The following FBN2 variants were observed in gnomAD, a reference collection of about 807,000 sequenced individuals.
The protein encoded by FBN2 is fibrillin 2.
In FBN2, 105 loss-of-function variants were observed where a neutral mutation model predicts 355.6. The observed-to-expected ratio is 0.30, with a 90% CI of 0.25 to 0.35. The LOEUF is 0.35. Among genes scored for constraint, FBN2 ranks in the 10% least tolerant of loss-of-function variants. The pLI is 1.00. For missense variants in FBN2, 3,280 were observed against 3,758.7 expected, an observed-to-expected ratio of 0.87 and a Z score of 3.33; for synonymous variants, 1,350 against 1,301.2, an observed-to-expected ratio of 1.04 and a Z score of -0.81.
intron 4 of FBN2, among the ~76,000 whole-genome samples, chr5:128,526,430 C>G (rs956946149): frequency 1.4e-4 from 22 of 151,958 alleles, no homozygotes; most frequent in African/African-American, 5.3e-4. Context: ...AGCAAGGGCC[C>G]AAACAGCTAT....
At chr5:128,334,651 A>C in intron 31 of FBN2, 68 bp downstream of exon 31, 1 of 1,552,616 alleles carries the variant, frequency 6.4e-7, no homozygotes, top group Non-Finnish European at 8.9e-7. Context: ...CAGAGAACAA[A>C]TGATGTTGAA....
At chr5:128,357,421 G>A (rs1258709331) in intron 19 of FBN2, 26 bp from the exon 20 acceptor site, 3 of 1,613,422 alleles carry the variant, frequency 1.9e-6, no homozygotes, top group Admixed American at 1.7e-5. Flanking sequence ...AAAAGATTCT[G>A]TTAGAACTGC....
chr5:128,268,300 T>A (rs969925250), intron 62 of FBN2, among the ~76,000 whole-genome samples: 6 of 152,108 alleles, frequency 3.9e-5, no homozygotes, highest in Admixed American at 3.9e-4. Context: ...CCTGGACACA[T>A]ACACCCTACC....
At chr5:128,459,869 C>T (rs779009173) in intron 6 of FBN2, among the ~76,000 whole-genome samples, 23 of 152,216 alleles carry the variant, frequency 1.5e-4, no homozygotes, top group Admixed American at 1.4e-3. Flanking sequence ...AGTGAATGGG[C>T]AAAAGCTGGA....
chr5:128,535,989 G>C (rs1756835432), intron 2 of FBN2, among the ~76,000 whole-genome samples: 1 of 152,070 alleles, frequency 6.6e-6, no homozygotes, highest in African/African-American at 2.4e-5. Flanking sequence ...AAGAAATCTT[G>C]ATCTTCATAA....
intron 8 of FBN2, among the ~76,000 whole-genome samples, chr5:128,404,867 C>T (rs1005207861): frequency 2.6e-5 from 4 of 152,094 alleles, no homozygotes; most frequent in South Asian, 2.1e-4. Context: ...TTAGGTGAAA[C>T]GGCTACAAAG....
intron 5 of FBN2, among the ~76,000 whole-genome samples, chr5:128,519,004 G>A (rs2112787160): frequency 6.6e-6 from 1 of 152,172 alleles, no homozygotes; most frequent in South Asian, 2.1e-4. Context: ...CACATTATTA[G>A]AATTTGCCAT....
At position 128,377,837 on chromosome 5, in the gene FBN2, G is replaced by T; in HGVS notation, c.1764C>A (p.Asn588Lys). Reference protein sequence around the residue: ...ECIQNGVLCKNGRCVNTDGSF... With the variant: ...ECIQNGVLCKKGRCVNTDGSF... Reference sequence around the variant, plus strand: ...TTCCATCTGTGTTCACGCATCGACCGTTTTTACAAAGAACCCCATTCTGGA... The same window carrying T: ...TTCCATCTGTGTTCACGCATCGACCTTTTTTACAAAGAACCCCATTCTGGA... Residue 588 changes from asparagine to lysine, a missense_variant, in exon 13 of 65, where the codon AAC becomes AAA. Asn to Lys is a moderately conservative substitution (Grantham distance 94, BLOSUM62 0). Transcript: ENST00000262464. 1 of 1,613,296 alleles carries T rather than the reference G, an allele frequency of 6.2e-7. No homozygotes were observed. The highest frequency in any genetic ancestry group is 8.5e-7 in the Non-Finnish European group (1 of 1,179,408).
intron 48 of FBN2, among the ~76,000 whole-genome samples, chr5:128,299,473 G>A (rs1467630655): frequency 6.7e-6 from 1 of 148,556 alleles, no homozygotes; most frequent in Non-Finnish European, 1.5e-5. Flanking sequence ...CAATCAGTGA[G>A]ACTCCATGGG....
chr5:128,335,061 A>G lies in FBN2; in HGVS notation c.3973+109T>C, dbSNP rs974982802. 4.0e-6 allele frequency: 6 copies of G among 1,511,890 alleles called. No individual in the cohort carries two copies. In the African/African-American group the frequency reaches 8.2e-5, roughly 21 times the overall value. 93.7% of individuals were successfully genotyped at this position (1,511,890 alleles called of 1,614,324 possible). ...TTACAGTTCTAGTAAAATGATTTGAATTTTTAAAATAACAACAGAAAAAGC... is the reference window on the plus strand; with the variant it reads ...TTACAGTTCTAGTAAAATGATTTGAGTTTTTAAAATAACAACAGAAAAAGC... On this transcript the variant is annotated intron_variant, in intron 30 of 64. Coordinates refer to ENST00000262464, the MANE Select transcript of FBN2 (RefSeq NM_001999.4).
chr5:128,290,681 CAT>C, intron 50 of FBN2, 49 bp downstream of exon 50: 6 of 1,581,732 alleles, frequency 3.8e-6, no homozygotes, highest in Non-Finnish European at 5.2e-6. Flanking sequence ...CTCTGGCAAA[CAT>C]TCAAAAACTG....
intron 8 of FBN2, among the ~76,000 whole-genome samples, chr5:128,399,274 T>C (rs1473472190): frequency 6.6e-6 from 1 of 152,212 alleles, no homozygotes; most frequent in East Asian, 1.9e-4. Context: ...ACAAGACAGA[T>C]CACCTGCTGA....
chr5:128,522,679 A>G (rs1276915579), intron 4 of FBN2, among the ~76,000 whole-genome samples: 1 of 152,184 alleles, frequency 6.6e-6, no homozygotes, highest in East Asian at 1.9e-4. Flanking sequence ...AGAAGCAAAA[A>G]CCAAAAATGG....
chr5:128,514,095 T>C (rs1161117111), intron 5 of FBN2, among the ~76,000 whole-genome samples: 2 of 152,126 alleles, frequency 1.3e-5, no homozygotes, highest in Non-Finnish European at 2.9e-5. Flanking sequence ...ACATTCTCTC[T>C]CTGCTTATTG....
intron 6 of FBN2, 104 bp from the exon 7 acceptor site, chr5:128,446,710 A>G: frequency 1.6e-6 from 2 of 1,272,666 alleles, no homozygotes; most frequent in South Asian, 2.6e-5. Context: ...TAAGAAACTC[A>G]GTTTTTCTCA....
At chr5:128,444,625 T>C (rs1489010943) in intron 7 of FBN2, among the ~76,000 whole-genome samples, 1 of 152,252 alleles carries the variant, frequency 6.6e-6, no homozygotes. Context: ...AAGGCACGAC[T>C]GGATTCAGGG....
intron 4 of FBN2, among the ~76,000 whole-genome samples, chr5:128,519,971 A>T (rs1049022044): frequency 1.3e-5 from 2 of 152,220 alleles, no homozygotes; most frequent in Non-Finnish European, 2.9e-5. Flanking sequence ...ATGCCAAAAG[A>T]AGTAACCAAT....
chr5:128,311,914 C>G lies in FBN2; in HGVS notation c.4919G>C (p.Arg1640Thr), dbSNP rs777076610. ...TAAAATGATTGTGATGGGGTTAGGT[C>G]TGAAGCCTTCACCTCCGGGACACAG... ...YTLCPGGEGF[R>T]PNPITIILED... The change falls in exon 38 of 65, where the codon AGA (arginine) becomes ACA (threonine). Residue 1640 changes from arginine (R) to threonine (T), a missense_variant. Physicochemically the swap from Arg to Thr is moderately conservative, Grantham distance 71. Around this residue, in one of 6 missense-constraint regions of FBN2, gnomAD observed 2,284 missense variants for 2,749.5 expected, o/e 0.83. Transcript: ENST00000262464. 6.2e-7 allele frequency: 1 copy of G among 1,612,698 alleles called. No individual in the cohort carries two copies. The highest frequency in any genetic ancestry group is 1.7e-5 in the Admixed American group (1 of 60,010).
intron 5 of FBN2, among the ~76,000 whole-genome samples, chr5:128,476,154 CTTAA>C (rs1412433680): frequency 6.6e-6 from 1 of 151,940 alleles, no homozygotes; most frequent in South Asian, 2.1e-4. Context: ...CACAGAATTT[CTTAA>C]TTAAAGAAAG....
Sources: allele counts gnomAD v4.1 joint callset (sites outside exome capture counted in the v4.1 genomes callset), GRCh38; gene constraint gnomAD v4.1.1; regional missense constraint gnomAD v4.1.1; transcripts MANE v1.5; gene names NCBI Gene and HGNC (gene_info 2026-07-23, HGNC 2026-07-21).